Variants in DIAPH3 observed in about 807,000 individuals in gnomAD.
DIAPH3 encodes diaphanous related formin 3, also known as protein diaphanous homolog 3.
DIAPH3 carries 117 observed loss-of-function variants against 144.3 expected under a neutral mutation model. The observed-to-expected ratio is 0.81, with a 90% CI of 0.70 to 0.95. The LOEUF (loss-of-function observed/expected upper bound fraction) is 0.95, where lower values mean the gene tolerates loss of function less well. Ranked by LOEUF, DIAPH3 falls within the 40% of genes least tolerant of loss-of-function variation. The probability of loss-of-function intolerance (pLI) is 0.00; values close to 1 mark genes in which losing one functional copy is unlikely to be tolerated. For missense variants in DIAPH3, 1,421 were observed against 1,412.7 expected, an observed-to-expected ratio of 1.01 and a Z score of -0.09; for synonymous variants, 519 against 488.9, an observed-to-expected ratio of 1.06 and a Z score of -0.81.
chr13:59,787,226 T>C (rs912302322), intron 25 of DIAPH3, among the ~76,000 whole-genome samples: 5 of 152,236 alleles, frequency 3.3e-5, no homozygotes, highest in African/African-American at 1.2e-4. Context: ...ATGTGTTCAA[T>C]AACTACTGTG....
chr13:60,012,185 T>C (rs1192300665), intron 7 of DIAPH3, among the ~76,000 whole-genome samples: 1 of 152,224 alleles, frequency 6.6e-6, no homozygotes, highest in Non-Finnish European at 1.5e-5. Context: ...ATAACTTTCC[T>C]ATCTTGTATA....
At chr13:59,701,939 G>A (rs939123672) in intron 27 of DIAPH3, among the ~76,000 whole-genome samples, 2 of 152,086 alleles carry the variant, frequency 1.3e-5, no homozygotes, top group African/African-American at 4.8e-5. Context: ...ACTGAGTACT[G>A]CCTTTCTCCA....
chr13:60,146,637 T>G (rs150186713), intron 1 of DIAPH3, among the ~76,000 whole-genome samples: 98 of 152,318 alleles, frequency 6.4e-4, no homozygotes, highest in African/African-American at 2.3e-3. Context: ...AACACACCAA[T>G]TTCTGTAGTC....
At chr13:59,852,787 A>G (rs944416686) in intron 22 of DIAPH3, among the ~76,000 whole-genome samples, 1 of 152,226 alleles carries the variant, frequency 6.6e-6, no homozygotes, top group African/African-American at 2.4e-5. Flanking sequence ...CAGGCAACAC[A>G]CAGTTGGAAT....
At chr13:59,924,659 T>C (rs2047673688) in intron 18 of DIAPH3, 116 bp downstream of exon 18, 11 of 1,442,030 alleles carry the variant, frequency 7.6e-6, no homozygotes, top group Non-Finnish European at 1.0e-5. Flanking sequence ...GAATTTATCA[T>C]GCATATAATA....
chr13:59,898,665 G>A (rs2046265074), intron 20 of DIAPH3, among the ~76,000 whole-genome samples: 1 of 152,204 alleles, frequency 6.6e-6, no homozygotes, highest in Admixed American at 6.5e-5. Flanking sequence ...CTGACAGAAT[G>A]ATTCCTGCCA....
At chr13:60,076,652 T>C (rs1029609381) in intron 4 of DIAPH3, among the ~76,000 whole-genome samples, 8 of 152,178 alleles carry the variant, frequency 5.3e-5, no homozygotes, top group Non-Finnish European at 1.0e-4. Context: ...TCTTTCCTCA[T>C]AATGTCTTAT....
At chr13:59,875,567 T>G (rs2044570116) in intron 21 of DIAPH3, among the ~76,000 whole-genome samples, 1 of 152,154 alleles carries the variant, frequency 6.6e-6, no homozygotes, top group Non-Finnish European at 1.5e-5. Context: ...ATTTGTTGTT[T>G]ATAACACTAT....
At chr13:60,040,563 T>C (rs2055587120) in intron 5 of DIAPH3, among the ~76,000 whole-genome samples, 1 of 152,184 alleles carries the variant, frequency 6.6e-6, no homozygotes, top group South Asian at 2.1e-4. Flanking sequence ...TTTCTTTTGT[T>C]AGCACAGACA....
chr13:59,821,844 T>C lies in DIAPH3; in HGVS notation c.3028-10921A>G, dbSNP rs1216127266. ...TCATCATCTTAACATTCAATATGCG[T>C]TGCTATTAGTTGAACTTTTTATGAC... On this transcript the variant is annotated intron_variant, in intron 24 of 27. Transcript: ENST00000400324. 4.6e-5 allele frequency among the ~76,000 whole-genome samples: 7 copies of C among 152,318 alleles called. No homozygotes were observed. In the East Asian group the frequency reaches 9.6e-4, roughly 21 times the overall value.
At chr13:59,734,952 G>A (rs1172209792) in intron 27 of DIAPH3, among the ~76,000 whole-genome samples, 1 of 152,116 alleles carries the variant, frequency 6.6e-6, no homozygotes, top group Non-Finnish European at 1.5e-5. Flanking sequence ...TCTAAAGTGA[G>A]TCACTAAAAC....
intron 22 of DIAPH3, among the ~76,000 whole-genome samples, chr13:59,858,354 G>C (rs2043376152): frequency 6.6e-6 from 1 of 152,100 alleles, no homozygotes; most frequent in African/African-American, 2.4e-5. Flanking sequence ...CTAAGACACA[G>C]ACACTACACC....
intron 4 of DIAPH3, among the ~76,000 whole-genome samples, chr13:60,070,134 T>C (rs1405245096): frequency 1.3e-5 from 2 of 152,160 alleles, no homozygotes; most frequent in Non-Finnish European, 2.9e-5. Context: ...TTCCATTTGT[T>C]TGTGTTGTCT....
chr13:60,056,296 A>C (rs1366216533), intron 4 of DIAPH3, among the ~76,000 whole-genome samples: 2 of 151,312 alleles, frequency 1.3e-5, no homozygotes, highest in Non-Finnish European at 3.0e-5. Context: ...GAGAACGAGC[A>C]ATAGAGACAG....
intron 20 of DIAPH3, among the ~76,000 whole-genome samples, chr13:59,883,024 AT>A (rs1262116378): frequency 1.3e-5 from 2 of 152,134 alleles, no homozygotes; most frequent in Non-Finnish European, 2.9e-5. Context: ...TTATTTCAAA[AT>A]TTTGTTTGTT....
chr13:60,156,704 C>G (rs1206613309), intron 1 of DIAPH3, among the ~76,000 whole-genome samples: 2 of 151,550 alleles, frequency 1.3e-5, no homozygotes, highest in Non-Finnish European at 2.9e-5. Context: ...TTTCTGGCTC[C>G]CCAGGTTCTC....
At chr13:60,061,347 G>T (rs1428824586) in intron 4 of DIAPH3, among the ~76,000 whole-genome samples, 1 of 151,954 alleles carries the variant, frequency 6.6e-6, no homozygotes, top group Non-Finnish European at 1.5e-5. Flanking sequence ...TTAACCCATG[G>T]ACAATAGGAT....
At chr13:59,670,029 T>C (rs891799757) in intron 27 of DIAPH3, among the ~76,000 whole-genome samples, 1 of 152,228 alleles carries the variant, frequency 6.6e-6, no homozygotes, top group Non-Finnish European at 1.5e-5. Context: ...CCTGGGTTTT[T>C]CTTTTAGCGT....
chr13:59,758,785 T>C (rs2037417445), intron 27 of DIAPH3, among the ~76,000 whole-genome samples: 1 of 151,732 alleles, frequency 6.6e-6, no homozygotes, highest in African/African-American at 2.4e-5. Context: ...CTCTCTTTTT[T>C]TTTTTTTTTT....
Sources: gnomAD v4.1 joint callset for allele counts (sites outside exome capture counted in the v4.1 genomes callset) on GRCh38, gnomAD v4.1.1 for gene constraint, MANE v1.5 for transcripts, NCBI Gene and HGNC (gene_info 2026-07-23, HGNC 2026-07-21) for gene names.